ZNF571: variants seen among roughly 807,000 people sequenced by gnomAD.
The protein encoded by ZNF571 is zinc finger protein 571.
Under a neutral mutation model 7.7 loss-of-function variants are expected in ZNF571, and 4 were observed. The ratio of observed to expected loss-of-function variants is 0.52; its 90% confidence interval spans 0.25 to 1.18. The LOEUF is 1.18. ZNF571 is among the 50% of genes most tolerant of loss of function. The probability of loss-of-function intolerance (pLI) is 0.14; values close to 1 mark genes in which losing one functional copy is unlikely to be tolerated. For synonymous variants in ZNF571, 251 were observed against 232.4 expected, an observed-to-expected ratio of 1.08 and a Z score of -0.73; for missense variants, 704 against 726.9, an observed-to-expected ratio of 0.97 and a Z score of 0.36.
intron 3 of ZNF571, chr19:37,575,797 T>A (rs969788669): frequency 6.6e-6 from 1 of 152,148 alleles, no homozygotes; most frequent in African/African-American, 2.4e-5. Flanking sequence ...CTTGATGCAA[T>A]AAAGCAAACT....
At chr19:37,581,336 C>T (rs2043451909) in intron 3 of ZNF571, among the ~76,000 whole-genome samples, 1 of 152,068 alleles carries the variant, frequency 6.6e-6, no homozygotes, top group Admixed American at 6.6e-5. Flanking sequence ...ATGTTATTAC[C>T]AATAACAGCA....
intron 3 of ZNF571, among the ~76,000 whole-genome samples, chr19:37,575,200 T>C (rs903334855): frequency 6.6e-6 from 1 of 152,162 alleles, no homozygotes; most frequent in African/African-American, 2.4e-5. Context: ...GAAAATAAAA[T>C]CTAACTACTT....
At position 37,584,758 on chromosome 19, in the gene ZNF571, C is replaced by G. The variant is rs983918077; in HGVS notation, c.10-661G>C. Among the ~76,000 whole-genome samples, 6 of 151,944 alleles carry G rather than the reference C, an allele frequency of 3.9e-5. No individual in the cohort carries two copies. In the South Asian group the frequency reaches 6.2e-4, roughly 16 times the overall value. On this transcript the variant is annotated intron_variant, in intron 2 of 3. Transcript: ENST00000451802. ...CGGGCGGATCACGAGGTCAGGAGAT[C>G]GAGACCATCCTGGCTAACACGGTGA...
intron 3 of ZNF571, among the ~76,000 whole-genome samples, chr19:37,568,553 A>C (rs1482681856): frequency 6.6e-6 from 1 of 152,154 alleles, no homozygotes; most frequent in East Asian, 1.9e-4. Context: ...CCTAATAAAA[A>C]TGGGAAGAAA....
intron 3 of ZNF571, among the ~76,000 whole-genome samples, chr19:37,571,483 G>A (rs535263970): frequency 9.9e-5 from 15 of 152,030 alleles, no homozygotes; most frequent in African/African-American, 2.4e-4. Flanking sequence ...GTGAGAGAGC[G>A]AGACTCCATC....
chr19:37,567,894 C>T (rs2042916740), intron 3 of ZNF571: 2 of 152,082 alleles, frequency 1.3e-5, no homozygotes. Flanking sequence ...TATAGCTAGT[C>T]CCCAGAACAC....
rs1383622554 is a variant in ZNF571 at position 37,566,272 on chromosome 19, C to A, written c.156G>T (p.Val52=). 7 of 1,611,886 alleles carry A rather than the reference C, an allele frequency of 4.3e-6. No individual in the cohort carries two copies. In the African/African-American group the frequency reaches 5.3e-5, roughly 12 times the overall value. ...CCTTTTCTGGAGATAACTTTTTGGT[C>A]ACACAACTGGATTCCAAGTCTGTAG... ...LISLDLESSC[V]TKKLSPEKEI... is the part of the protein sequence containing the mutation. The change falls in exon 4 of 4, where the codon GTG becomes GTT. Residue 52 remains valine, a synonymous_variant. Transcript: ENST00000451802.
intron 3 of ZNF571, among the ~76,000 whole-genome samples, chr19:37,568,055 A>T (rs2042923559): frequency 6.6e-6 from 1 of 152,212 alleles, no homozygotes; most frequent in South Asian, 2.1e-4. Flanking sequence ...TAAAGATCTT[A>T]TATTATTCCG....
intron 3 of ZNF571, among the ~76,000 whole-genome samples, chr19:37,574,423 T>A (rs1418993124): frequency 6.6e-6 from 1 of 152,220 alleles, no homozygotes; most frequent in Non-Finnish European, 1.5e-5. Flanking sequence ...TTATTTTCAC[T>A]AAATTTTTTT....
intron 3 of ZNF571, chr19:37,567,479 G>GTTCT (rs1429600075): frequency 3.3e-5 from 5 of 152,144 alleles, no homozygotes; most frequent in African/African-American, 9.7e-5. Context: ...TTACGATCCA[G>GTTCT]TTCTTTCTTA....
At position 37,565,203 on chromosome 19, in the gene ZNF571, G is replaced by A. The variant is rs1276169151; in HGVS notation, c.1225C>T (p.His409Tyr). The A allele has an allele frequency of 6.2e-7, 1 of 1,613,600 alleles. No homozygotes were observed. Among genetic ancestry groups the A allele is most frequent in the South Asian group, 1.1e-5 (1 of 90,972 alleles). ...TTCTCTCCGGTATGAATTCTTTGATGTTGAATAAGATTAGAATTAGAAATA... is the reference window on the plus strand; with the variant it reads ...TTCTCTCCGGTATGAATTCTTTGATATTGAATAAGATTAGAATTAGAAATA... ...AFISNSNLIQHQRIHTGEKPY... is the reference protein window; with the variant it reads ...AFISNSNLIQYQRIHTGEKPY... Residue 409 changes from histidine (H) to tyrosine (Y), a missense_variant, in exon 4 of 4, where the codon CAT becomes TAT. Transcript: ENST00000451802.
At chr19:37,575,758 A>T (rs2043221166) in intron 3 of ZNF571, 1 of 152,192 alleles carries the variant, frequency 6.6e-6, no homozygotes, top group Admixed American at 6.5e-5. Context: ...AATTTAGGGA[A>T]TGTTGTGATC....
At chr19:37,578,026 T>G (rs541493673) in intron 3 of ZNF571, among the ~76,000 whole-genome samples, 40 of 152,260 alleles carry the variant, frequency 2.6e-4, no homozygotes, top group South Asian at 4.1e-4. Context: ...TCATAGGAGC[T>G]CGAACCCTAT....
At chr19:37,590,122 G>A (rs2043822686) in intron 1 of ZNF571, among the ~76,000 whole-genome samples, 2 of 58,844 alleles carry the variant, frequency 3.4e-5, no homozygotes, top group Non-Finnish European at 6.7e-5. Flanking sequence ...AGGCTATAAG[G>A]AGCTGGGCAT....
rs906968299 is a variant in ZNF571, at chr19:37,576,665, C to CCTTA, written c.136+7302_136+7305dup. On this transcript the variant is annotated intron_variant, in intron 3 of 3. Coordinates refer to ENST00000451802, the MANE Select transcript of ZNF571 (RefSeq NM_016536.5). ...GTTTAAGATTATAAACAAAGTTATA[C>CCTTA]CTTAACTAGGTCATAAAAAGCTACA... Among the ~76,000 whole-genome samples the CCTTA allele has an allele frequency of 1.1e-3, 170 of 152,100 alleles. 1 individual carries two copies. Among genetic ancestry groups the CCTTA allele is most frequent in the African/African-American group, 4.0e-3 (166 of 41,510 alleles).
In ZNF571 at chr19:37,583,931, A is replaced by T. The variant is rs758019465; in HGVS notation, c.136+40T>A. ...ATTCACAATGAATGAGGCAGAAATT[A>T]TGGGGAACAAATTCTGAATATTACG... On this transcript the variant is annotated intron_variant, in intron 3 of 3. Coordinates refer to ENST00000451802, the MANE Select transcript of ZNF571 (RefSeq NM_016536.5). 6.5e-6 allele frequency: 10 copies of T among 1,548,880 alleles called. No homozygotes were observed. In the Admixed American group the frequency reaches 1.5e-4, roughly 24 times the overall value.
chr19:37,589,960 C>T (rs142568618), intron 1 of ZNF571, among the ~76,000 whole-genome samples: 2,062 of 149,702 alleles, frequency 0.014, 24 homozygotes, highest in Non-Finnish European at 0.019. Flanking sequence ...AATAACAGGC[C>T]TGTAGTTTTC....
intron 1 of ZNF571, chr19:37,594,412 C>T (rs879584455): frequency 1.3e-4 from 20 of 152,310 alleles, no homozygotes; most frequent in Non-Finnish European, 2.6e-4. Flanking sequence ...ACTAGTAACA[C>T]CCGCCTCCTT....
Position 37,588,184 on chromosome 19 carries a change from G to A in ZNF571, c.-69-1439C>T, listed in dbSNP as rs929384362. 7.4e-5 allele frequency among the ~76,000 whole-genome samples: 11 copies of A among 148,870 alleles called. No homozygotes were observed. The Admixed American group carries it at 7.4e-4, about 10-fold the overall frequency. The stretch of plus-strand genomic sequence containing the variant: ...GATATAAAGATGTTAACCTCTGCAA[G>A]TTAATAGGATATTTGACATATGATA... On this transcript the variant is annotated intron_variant, in intron 1 of 3. Transcript: ENST00000451802.
Sources: allele counts gnomAD v4.1 joint callset (sites outside exome capture counted in the v4.1 genomes callset), GRCh38; gene constraint gnomAD v4.1.1; transcripts MANE v1.5; gene names NCBI Gene and HGNC (gene_info 2026-07-23, HGNC 2026-07-21).